The following AP3B1 variants were observed in gnomAD, a reference collection of about 807,000 sequenced individuals.
The protein encoded by AP3B1 is adaptor related protein complex 3 subunit beta 1, also known as AP-3 complex subunit beta-1.
Under a neutral mutation model 132.5 loss-of-function variants are expected in AP3B1, and 61 were observed. The observed-to-expected ratio is 0.46, with a 90% CI of 0.37 to 0.57. The LOEUF (loss-of-function observed/expected upper bound fraction) is 0.57. Ranked by LOEUF, AP3B1 falls within the 20% of genes least tolerant of loss-of-function variation. The pLI is 0.00. For missense variants in AP3B1, 1,120 were observed against 1,289.4 expected (o/e 0.87, Z 2.01); for synonymous variants, 388 against 438.3 (o/e 0.89, Z 1.43).
chr5:78,114,383 C>T (rs1440293180), intron 18 of AP3B1, among the ~76,000 whole-genome samples: 5 of 152,010 alleles, frequency 3.3e-5, no homozygotes, highest in Admixed American at 6.5e-5. Context: ...GAAAATGAGC[C>T]ATTCAAATCA....
intron 7 of AP3B1, among the ~76,000 whole-genome samples, chr5:78,183,204 G>A (rs1010203648): frequency 6.6e-6 from 1 of 152,210 alleles, no homozygotes; most frequent in African/African-American, 2.4e-5. Flanking sequence ...CCTCTGAAGT[G>A]TCAGTGGAGG....
chr5:78,201,792 T>C (rs564645581), intron 7 of AP3B1, among the ~76,000 whole-genome samples: 4 of 152,312 alleles, frequency 2.6e-5, no homozygotes, highest in South Asian at 2.1e-4. Context: ...TTATCTTCCA[T>C]CATTTAAATT....
At chr5:78,059,034 A>T (rs1748934226) in intron 22 of AP3B1, among the ~76,000 whole-genome samples, 1 of 152,230 alleles carries the variant, frequency 6.6e-6, no homozygotes, top group Non-Finnish European at 1.5e-5. Flanking sequence ...AATATGTAAC[A>T]TTATGTGGCA....
chr5:78,265,488 G>A (rs1748284338), intron 2 of AP3B1, among the ~76,000 whole-genome samples: 1 of 152,026 alleles, frequency 6.6e-6, no homozygotes, highest in Non-Finnish European at 1.5e-5. Context: ...TATCAAGAGT[G>A]GTTTGAACAG....
intron 22 of AP3B1, among the ~76,000 whole-genome samples, chr5:78,068,709 T>C (rs921163602): frequency 1.3e-5 from 2 of 151,998 alleles, no homozygotes; most frequent in Non-Finnish European, 2.9e-5. Flanking sequence ...CTGAAACTAT[T>C]CCAAACAATT....
At chr5:78,054,647 T>A (rs1289604723) in intron 22 of AP3B1, among the ~76,000 whole-genome samples, 2 of 152,184 alleles carry the variant, frequency 1.3e-5, no homozygotes, top group Non-Finnish European at 2.9e-5. Context: ...AACCGTAAGC[T>A]GTTCTACATA....
chr5:78,237,051 C>G (rs569926343), intron 3 of AP3B1, among the ~76,000 whole-genome samples: 1 of 152,294 alleles, frequency 6.6e-6, no homozygotes, highest in South Asian at 2.1e-4. Flanking sequence ...AAATCCAGTA[C>G]TAATTTAATC....
chr5:78,100,559 G>T (rs1751084535), intron 21 of AP3B1, among the ~76,000 whole-genome samples: 1 of 152,152 alleles, frequency 6.6e-6, no homozygotes, highest in Admixed American at 6.5e-5. Context: ...GGAAGATGGT[G>T]ATGTCCTTTC....
At chr5:78,277,884 G>A in intron 1 of AP3B1, among the ~76,000 whole-genome samples, 1 of 152,116 alleles carries the variant, frequency 6.6e-6, no homozygotes, top group Admixed American at 6.5e-5. Context: ...TCATTCATAT[G>A]CGTATTAAAA....
chr5:78,245,357 G>C (rs1158735205), intron 2 of AP3B1, among the ~76,000 whole-genome samples: 1 of 152,158 alleles, frequency 6.6e-6, no homozygotes, highest in African/African-American at 2.4e-5. Context: ...GCTTAACTAG[G>C]AGCCTGCACG....
intron 3 of AP3B1, among the ~76,000 whole-genome samples, chr5:78,235,174 T>G (rs2112508347): frequency 6.6e-6 from 1 of 152,330 alleles, no homozygotes; most frequent in Admixed American, 6.5e-5. Context: ...TTTTTTAAAA[T>G]ATTCTTTTAA....
rs186982214 is a variant in AP3B1 at position 78,122,942 on chromosome 5, A to T, written c.1968+5088T>A. Among the ~76,000 whole-genome samples the T allele has an allele frequency of 1.1e-3, 163 of 152,374 alleles. 1 individual carries two copies. Among genetic ancestry groups the T allele is most frequent in the African/African-American group, 3.8e-3 (159 of 41,592 alleles). On this transcript the variant is annotated intron_variant, in intron 17 of 26. Coordinates refer to ENST00000255194, the MANE Select transcript of AP3B1 (RefSeq NM_003664.5). ...GGAGGCATCATGCCATCTGACTTCA[A>T]ACTATACTACAAGTCTACAGTAACC...
intron 2 of AP3B1, among the ~76,000 whole-genome samples, chr5:78,252,263 G>A (rs1747669731): frequency 6.6e-6 from 1 of 152,144 alleles, no homozygotes; most frequent in African/African-American, 2.4e-5. Context: ...ATTCCCAGCT[G>A]TGGTGGCTAT....
At chr5:78,261,569 A>T (rs541769909) in intron 2 of AP3B1, among the ~76,000 whole-genome samples, 1 of 152,242 alleles carries the variant, frequency 6.6e-6, no homozygotes, top group African/African-American at 2.4e-5. Context: ...GGGTTCAAGC[A>T]ATTCTCCTTC....
chr5:78,040,728 C>G (rs1580270933), intron 22 of AP3B1, among the ~76,000 whole-genome samples: 1 of 151,948 alleles, frequency 6.6e-6, no homozygotes, highest in Non-Finnish European at 1.5e-5. Context: ...TTTTTCCTGA[C>G]AAGTGTTGTC....
At chr5:78,244,486 G>C (rs1747288098) in intron 2 of AP3B1, among the ~76,000 whole-genome samples, 1 of 152,150 alleles carries the variant, frequency 6.6e-6, no homozygotes, top group Admixed American at 6.6e-5. Flanking sequence ...ACTATGATGA[G>C]AAAGACTAGG....
chr5:78,213,928 G>A (rs1276334490), intron 7 of AP3B1, among the ~76,000 whole-genome samples: 1 of 152,148 alleles, frequency 6.6e-6, no homozygotes, highest in Non-Finnish European at 1.5e-5. Context: ...CGCTGCATAA[G>A]AAAGGAAGGC....
intron 3 of AP3B1, among the ~76,000 whole-genome samples, chr5:78,239,684 C>T (rs891774191): frequency 7.0e-6 from 1 of 143,862 alleles, no homozygotes; most frequent in Admixed American, 7.1e-5. Flanking sequence ...GGGGCTGAGG[C>T]GGGAGGATCG....
At chr5:78,258,572 C>A (rs946757026) in intron 2 of AP3B1, among the ~76,000 whole-genome samples, 1 of 152,122 alleles carries the variant, frequency 6.6e-6, no homozygotes, top group Non-Finnish European at 1.5e-5. Context: ...GAAAAGGGAA[C>A]CCCTGCACAC....
Sources: allele counts gnomAD v4.1 joint callset (sites outside exome capture counted in the v4.1 genomes callset), GRCh38; gene constraint gnomAD v4.1.1; transcripts MANE v1.5; gene names NCBI Gene and HGNC (gene_info 2026-07-23, HGNC 2026-07-21).